Variants in PRR16 observed in about 807,000 individuals in gnomAD.
PRR16 encodes the protein protein Largen.
Under a neutral mutation model 18.2 loss-of-function variants are expected in PRR16, and 6 were observed. That is an observed-to-expected ratio of 0.33 (90% CI 0.18 to 0.65). The LOEUF (loss-of-function observed/expected upper bound fraction) is 0.65. Ranked by LOEUF, PRR16 falls within the 30% of genes least tolerant of loss-of-function variation. PRR16 has a pLI of 0.74. For missense variants in PRR16, 412 were observed against 376.6 expected, an observed-to-expected ratio of 1.09 and a Z score of -0.78; for synonymous variants, 151 against 147.8, an observed-to-expected ratio of 1.02 and a Z score of -0.16.
chr5:120,511,129 A>T (rs1264052612), intron 1 of PRR16, among the ~76,000 whole-genome samples: 2 of 152,188 alleles, frequency 1.3e-5, no homozygotes, highest in Admixed American at 1.3e-4. Context: ...AGCACTGCCA[A>T]AGGGGCTATC....
the PRR16 span, among the ~76,000 whole-genome samples, chr5:120,712,852 G>A: frequency 1.3e-5 from 2 of 152,082 alleles, no homozygotes; most frequent in Non-Finnish European, 2.9e-5. Flanking sequence ...TGAGAAAAGG[G>A]AACCTTTGCA....
At chr5:120,772,235 A>C in the PRR16 span, among the ~76,000 whole-genome samples, 7 of 152,140 alleles carry the variant, frequency 4.6e-5, no homozygotes, top group Non-Finnish European at 8.8e-5. Flanking sequence ...TAACTGTTCC[A>C]AAATCCTAAG....
chr5:120,612,736 A>G (rs1183893647), intron 1 of PRR16, among the ~76,000 whole-genome samples: 1 of 152,132 alleles, frequency 6.6e-6, no homozygotes, highest in African/African-American at 2.4e-5. Context: ...ACACATACAT[A>G]TTATTTGATT....
chr5:120,683,362 TG>T (rs1015857545), intron 1 of PRR16, among the ~76,000 whole-genome samples: 3 of 151,420 alleles, frequency 2.0e-5, no homozygotes, highest in Non-Finnish European at 2.9e-5. Flanking sequence ...ATTAGGTGGG[TG>T]TGGTGGTGGC....
At chr5:120,780,550 T>A in the PRR16 span, among the ~76,000 whole-genome samples, 3 of 152,216 alleles carry the variant, frequency 2.0e-5, no homozygotes, top group African/African-American at 4.8e-5. Flanking sequence ...TGCTAGAATT[T>A]GACTTTGATA....
chr5:120,526,697 C>A (rs1404215656), intron 1 of PRR16, among the ~76,000 whole-genome samples: 2 of 152,114 alleles, frequency 1.3e-5, no homozygotes, highest in African/African-American at 4.8e-5. Flanking sequence ...TTGTGAATGC[C>A]CTGATCTCTG....
chr5:120,481,705 A>G (rs1749623298), intron 1 of PRR16, among the ~76,000 whole-genome samples: 1 of 152,202 alleles, frequency 6.6e-6, no homozygotes, highest in South Asian at 2.1e-4. Context: ...TTTCTAACAA[A>G]AATGGTGTTT....
chr5:120,643,991 C>A (rs1755508772), intron 1 of PRR16, among the ~76,000 whole-genome samples: 1 of 152,018 alleles, frequency 6.6e-6, no homozygotes, highest in Non-Finnish European at 1.5e-5. Flanking sequence ...GGTGACAGAG[C>A]AAGACTTTGT....
At chr5:120,715,045 C>G in the PRR16 span, among the ~76,000 whole-genome samples, 1 of 151,834 alleles carries the variant, frequency 6.6e-6, no homozygotes, top group Non-Finnish European at 1.5e-5. Context: ...CAGCAAACCA[C>G]CATGGCACAC....
At chr5:120,676,382 G>A (rs1177965982) in intron 1 of PRR16, among the ~76,000 whole-genome samples, 4 of 151,928 alleles carry the variant, frequency 2.6e-5, no homozygotes, top group Non-Finnish European at 5.9e-5. Context: ...GTGAAGGCGG[G>A]GCCCCGTTCC....
chr5:120,674,253 C>A (rs906723026), intron 1 of PRR16, among the ~76,000 whole-genome samples: 3 of 152,026 alleles, frequency 2.0e-5, no homozygotes, highest in Admixed American at 6.6e-5. Context: ...TCTCTGCCCC[C>A]CTGCCCGCCC....
At chr5:120,575,244 A>G (rs1403200917) in intron 1 of PRR16, among the ~76,000 whole-genome samples, 1 of 151,744 alleles carries the variant, frequency 6.6e-6, no homozygotes, top group African/African-American at 2.4e-5. Context: ...AAGACATGTA[A>G]AATAATGTTT....
chr5:120,586,362 T>C (rs1753443316), intron 1 of PRR16, among the ~76,000 whole-genome samples: 1 of 152,148 alleles, frequency 6.6e-6, no homozygotes, highest in African/African-American at 2.4e-5. Flanking sequence ...TAATAAATTA[T>C]CTTCTAAAGT....
At chr5:120,787,978 T>TC in the PRR16 span, among the ~76,000 whole-genome samples, 2 of 149,072 alleles carry the variant, frequency 1.3e-5, no homozygotes, top group South Asian at 4.2e-4. Flanking sequence ...CTCTCTTGCT[T>TC]CTATGCCTTT....
chr5:120,707,567 T>C, the PRR16 span, among the ~76,000 whole-genome samples: 1 of 152,198 alleles, frequency 6.6e-6, no homozygotes, highest in African/African-American at 2.4e-5. Flanking sequence ...GGAAGAGCCA[T>C]ATAATCTGCC....
intron 1 of PRR16, among the ~76,000 whole-genome samples, chr5:120,559,022 G>A (rs750089139): frequency 8.6e-5 from 13 of 151,794 alleles, no homozygotes; most frequent in African/African-American, 2.7e-4. Context: ...GTTTGAGCTC[G>A]TTTTATGTTC....
At chr5:120,618,276 T>C (rs1048582112) in intron 1 of PRR16, among the ~76,000 whole-genome samples, 1 of 152,148 alleles carries the variant, frequency 6.6e-6, no homozygotes, top group African/African-American at 2.4e-5. Context: ...TCTTTTGTCA[T>C]GCATTTGACA....
intron 1 of PRR16, among the ~76,000 whole-genome samples, chr5:120,534,648 C>A (rs887657209): frequency 6.6e-6 from 1 of 152,132 alleles, no homozygotes; most frequent in Non-Finnish European, 1.5e-5. Context: ...TCTCTCCTTA[C>A]ACACTCAGCA....
chr5:120,675,759 A>G (rs1317508817), intron 1 of PRR16, among the ~76,000 whole-genome samples: 1 of 152,194 alleles, frequency 6.6e-6, no homozygotes, highest in Non-Finnish European at 1.5e-5. Context: ...TACTTGCACA[A>G]TAAATTATAA....
Sources: gnomAD v4.1 joint callset for allele counts (sites outside exome capture counted in the v4.1 genomes callset) on GRCh38, gnomAD v4.1.1 for gene constraint, MANE v1.5 for transcripts, NCBI Gene and HGNC (gene_info 2026-07-23, HGNC 2026-07-21) for gene names.